PATJ: variants seen among roughly 807,000 people sequenced by gnomAD.
PATJ encodes the protein inaD-like protein.
A neutral mutation model predicts 224.9 loss-of-function variants in PATJ; 190 were observed. That is an observed-to-expected ratio of 0.84 (90% CI 0.75 to 0.95). The LOEUF (loss-of-function observed/expected upper bound fraction) is 0.95, where lower values mean the gene tolerates loss of function less well. Among genes scored for constraint, PATJ ranks in the 40% least tolerant of loss-of-function variants. PATJ has a pLI of 0.00. For synonymous variants in PATJ, 769 were observed against 820.3 expected (o/e 0.94, Z 1.07); for missense variants, 2,121 against 2,270.3 (o/e 0.93, Z 1.34).
At chr1:62,141,702 G>A (rs118168181) in intron 41 of PATJ, among the ~76,000 whole-genome samples, 2,516 of 145,240 alleles carry the variant, frequency 0.017, 80 homozygotes, top group South Asian at 0.13. Flanking sequence ...GGTGACTCAC[G>A]CCCGTATTTT....
At chr1:62,112,287 C>T (rs561909057) in intron 34 of PATJ, among the ~76,000 whole-genome samples, 2 of 152,136 alleles carry the variant, frequency 1.3e-5, no homozygotes, top group South Asian at 2.1e-4. Flanking sequence ...TGGTGGATCA[C>T]CTAAGGTCAA....
intron 41 of PATJ, among the ~76,000 whole-genome samples, chr1:62,143,921 G>A (rs1348107172): frequency 6.6e-6 from 1 of 152,158 alleles, no homozygotes; most frequent in East Asian, 1.9e-4. Flanking sequence ...CCAGAAGAGT[G>A]TGGGTCATGG....
intron 17 of PATJ, among the ~76,000 whole-genome samples, chr1:61,840,186 C>CTCTTATAAA (rs1660858715): frequency 6.6e-6 from 1 of 151,842 alleles, no homozygotes. Context: ...TGTTAGAATT[C>CTCTTATAAA]TCTTTTTAAA....
intron 43 of PATJ, among the ~76,000 whole-genome samples, chr1:62,156,874 C>T (rs1039634919): frequency 6.6e-6 from 1 of 150,394 alleles, no homozygotes; most frequent in Non-Finnish European, 1.5e-5. Context: ...TGTGATCACA[C>T]CACTGCACTC....
At chr1:62,080,687 G>A (rs1659149117) in intron 32 of PATJ, among the ~76,000 whole-genome samples, 1 of 152,164 alleles carries the variant, frequency 6.6e-6, no homozygotes, top group South Asian at 2.1e-4. Flanking sequence ...TTAAAAGACA[G>A]TACTCACCAA....
rs112118351 is a variant in PATJ, at chr1:61,754,520, G to T, written c.-35-8338G>T. ...ACCATGCCTGGCTAATTTTTTGCAT[G>T]TTTTTTTTTTTTTTTTTTTTTTGTA... On this transcript the variant is annotated intron_variant, in intron 1 of 43. Transcript: ENST00000642238. Among the ~76,000 whole-genome samples the T allele has an allele frequency of 5.8e-3, 550 of 94,426 alleles. 16 individuals carry two copies. The highest frequency in any genetic ancestry group is 0.013 in the Middle Eastern group (2 of 152). The allele number at this position is 94,426 out of a possible 152,430, so 61.9% of individuals were successfully genotyped here.
At chr1:61,981,503 T>C (rs954921657) in intron 27 of PATJ, among the ~76,000 whole-genome samples, 2 of 151,908 alleles carry the variant, frequency 1.3e-5, no homozygotes, top group African/African-American at 4.9e-5. Flanking sequence ...AACAAATTTG[T>C]TTATCCAAAA....
chr1:61,866,603 C>T (rs1401812491), intron 20 of PATJ, among the ~76,000 whole-genome samples: 2 of 151,854 alleles, frequency 1.3e-5, no homozygotes, highest in African/African-American at 4.8e-5. Context: ...ATTCTTATCT[C>T]AAGTGTCATT....
At chr1:62,157,522 C>T (rs750246248) in intron 43 of PATJ, among the ~76,000 whole-genome samples, 6 of 148,360 alleles carry the variant, frequency 4.0e-5, no homozygotes, top group Admixed American at 3.5e-4. Flanking sequence ...TTCAGGTATC[C>T]GGTTGAAAAC....
chr1:61,861,342 T>C (rs1314122131), intron 18 of PATJ, among the ~76,000 whole-genome samples: 3 of 149,608 alleles, frequency 2.0e-5, no homozygotes, highest in African/African-American at 7.3e-5. Flanking sequence ...CTTTCTTTCT[T>C]TTACTTTAAG....
At chr1:61,817,488 A>C (rs1656359998) in intron 14 of PATJ, among the ~76,000 whole-genome samples, 1 of 151,902 alleles carries the variant, frequency 6.6e-6, no homozygotes, top group African/African-American at 2.4e-5. Flanking sequence ...ACATGATGAA[A>C]CCCCATCTCT....
At chr1:62,103,993 G>A (rs1245956731) in intron 33 of PATJ, among the ~76,000 whole-genome samples, 1 of 152,126 alleles carries the variant, frequency 6.6e-6, no homozygotes, top group African/African-American at 2.4e-5. Flanking sequence ...TCTTCAGAGT[G>A]AGCCAGCAAG....
At chr1:61,979,291 G>GT (rs1644315944) in intron 27 of PATJ, among the ~76,000 whole-genome samples, 1 of 152,066 alleles carries the variant, frequency 6.6e-6, no homozygotes, top group African/African-American at 2.4e-5. Context: ...GACACACTGT[G>GT]TAAGTGGAGG....
intron 31 of PATJ, among the ~76,000 whole-genome samples, chr1:62,055,898 G>A (rs559130072): frequency 7.0e-4 from 107 of 152,190 alleles, no homozygotes; most frequent in Non-Finnish European, 1.4e-3. Flanking sequence ...AGGGGAGCCA[G>A]GAGCAAATTC....
chr1:62,144,594 A>AT (rs1667819717), intron 41 of PATJ, among the ~76,000 whole-genome samples: 1 of 151,896 alleles, frequency 6.6e-6, no homozygotes. Context: ...CAACTCCAGG[A>AT]TAAGGAGGCA....
chr1:61,903,930 G>A lies in PATJ; in HGVS notation c.3381+2471G>A, dbSNP rs112307451. Among the ~76,000 whole-genome samples, 5 of 151,830 alleles carry A rather than the reference G, an allele frequency of 3.3e-5. 1 individual carries two copies. The highest frequency in any genetic ancestry group is 9.7e-5 in the African/African-American group (4 of 41,424). On this transcript the variant is annotated intron_variant, in intron 24 of 43. Transcript: ENST00000642238. ...TAGGATTACAGGCACCCACCACCAC[G>A]CCCGGCTAATTTTTGAATTTTTTGG...
chr1:61,896,805 T>C (rs1018042414), intron 22 of PATJ, among the ~76,000 whole-genome samples: 1 of 152,144 alleles, frequency 6.6e-6, no homozygotes, highest in East Asian at 1.9e-4. Context: ...AGTGGCAGTT[T>C]CCCCTGTGCA....
intron 26 of PATJ, among the ~76,000 whole-genome samples, chr1:61,916,164 A>G (rs1172759411): frequency 6.6e-6 from 1 of 152,194 alleles, no homozygotes; most frequent in African/African-American, 2.4e-5. Context: ...CTTTTAAAAC[A>G]TACAATAATC....
At position 62,163,768 on chromosome 1, in the gene PATJ, CTCA is replaced by C. The variant is rs1669995077; in HGVS notation, c.*2719_*2721del. 1 of 152,106 alleles carries C rather than the reference CTCA, an allele frequency of 6.6e-6. No individual in the cohort carries two copies. The allele number at this position is 152,106 out of a possible 1,614,324, so 9.4% of individuals were successfully genotyped here. ...AAGAAGTAGTGCTCTTATATTTGGC[CTCA>C]TCATTTGGGCCATTTCAGTATAGTA... On this transcript the variant is annotated 3_prime_UTR_variant, in exon 44 of 44. Transcript: ENST00000642238.
Sources: allele counts gnomAD v4.1 joint callset (sites outside exome capture counted in the v4.1 genomes callset), GRCh38; gene constraint gnomAD v4.1.1; transcripts MANE v1.5; gene names NCBI Gene and HGNC (gene_info 2026-07-23, HGNC 2026-07-21).